SDK1: variants seen among roughly 807,000 people sequenced by gnomAD.
SDK1 encodes the protein protein sidekick-1.
A neutral mutation model predicts 245.5 loss-of-function variants in SDK1; 157 were observed. That is an observed-to-expected ratio of 0.64 (90% confidence interval 0.56 to 0.73). The LOEUF is 0.73. Ranked by LOEUF, SDK1 falls within the 30% of genes least tolerant of loss-of-function variation. SDK1 has a pLI of 0.00. For synonymous variants in SDK1, 1,647 were observed against 1,278.5 expected, an observed-to-expected ratio of 1.29 and a Z score of -6.15; for missense variants, 3,583 against 3,002.3, an observed-to-expected ratio of 1.19 and a Z score of -4.52.
chr7:3,735,814 A>G (rs1346862517), intron 4 of SDK1, among the ~76,000 whole-genome samples: 1 of 152,182 alleles, frequency 6.6e-6, no homozygotes, highest in Non-Finnish European at 1.5e-5. Context: ...CAGTTTCCCC[A>G]TATCCATGTC....
chr7:3,466,979 TACAC>T (rs11269597), intron 1 of SDK1, among the ~76,000 whole-genome samples: 33,406 of 127,178 alleles, frequency 0.26, 4,643 homozygotes, highest in East Asian at 0.33. Flanking sequence ...TCTCTCTCTC[TACAC>T]ACACACACAC....
intron 4 of SDK1, among the ~76,000 whole-genome samples, chr7:3,735,580 G>A (rs1779296947): frequency 6.6e-6 from 1 of 152,196 alleles, no homozygotes; most frequent in Non-Finnish European, 1.5e-5. Flanking sequence ...CAGACACTAA[G>A]GTTGTTCCCA....
At chr7:4,148,930 C>T (rs1478390726) in intron 29 of SDK1, among the ~76,000 whole-genome samples, 1 of 152,182 alleles carries the variant, frequency 6.6e-6, no homozygotes, top group African/African-American at 2.4e-5. Context: ...GTGGTGCACA[C>T]CTGTAGTCCC....
intron 31 of SDK1, 37 bp from the exon 32 acceptor site, chr7:4,161,749 C>A: frequency 6.3e-7 from 1 of 1,582,784 alleles, no homozygotes; most frequent in African/African-American, 1.3e-5. Context: ...ACATAACAAC[C>A]ACCCTGACCC....
At chr7:3,378,727 G>A (rs1320542687) in intron 1 of SDK1, among the ~76,000 whole-genome samples, 2 of 152,068 alleles carry the variant, frequency 1.3e-5, no homozygotes, top group South Asian at 2.1e-4. Context: ...AGGTTCTCAC[G>A]CAGGAGCTCA....
intron 5 of SDK1, among the ~76,000 whole-genome samples, chr7:3,895,664 A>G (rs369067774): frequency 1.4e-4 from 22 of 152,314 alleles, no homozygotes; most frequent in Middle Eastern, 3.4e-3. Flanking sequence ...CAAGTTGCGT[A>G]AAGTGGATAC....
At chr7:4,141,945 C>T (rs1326354984) in intron 28 of SDK1, among the ~76,000 whole-genome samples, 1 of 152,066 alleles carries the variant, frequency 6.6e-6, no homozygotes, top group Non-Finnish European at 1.5e-5. Context: ...TTAGTAGAGG[C>T]GGGGTTTCAC....
rs529754931 is a variant in SDK1 at position 3,615,507 on chromosome 7, T to C, written c.299-3573T>C. ...TGTGCTGTCACAGCATCTAACACTT[T>C]ACTGCTTACATTCCTGCATCAGACC... On this transcript the variant is annotated intron_variant, in intron 1 of 44. Coordinates refer to ENST00000404826, the MANE Select transcript of SDK1 (RefSeq NM_152744.4). Among the ~76,000 whole-genome samples the C allele has an allele frequency of 3.6e-4, 55 of 151,930 alleles. 1 individual carries two copies. The South Asian group carries it at 0.011, about 32-fold the overall frequency.
intron 4 of SDK1, among the ~76,000 whole-genome samples, chr7:3,778,944 G>C (rs1049597412): frequency 2.9e-4 from 44 of 152,264 alleles, no homozygotes; most frequent in African/African-American, 2.2e-4. Flanking sequence ...TAGTTTTGTA[G>C]GTTTAACATC....
intron 1 of SDK1, among the ~76,000 whole-genome samples, chr7:3,497,320 G>C (rs932076473): frequency 6.6e-6 from 1 of 152,188 alleles, no homozygotes; most frequent in Non-Finnish European, 1.5e-5. Flanking sequence ...TTATAGATTT[G>C]TGTGTATAAA....
In SDK1 at chr7:3,725,879, G is replaced by A. The variant is rs1293410911; in HGVS notation, c.713+83774G>A. Among the ~76,000 whole-genome samples the A allele has an allele frequency of 3.3e-5, 5 of 152,152 alleles. No homozygotes were observed. In the East Asian group the frequency reaches 7.7e-4, roughly 23 times the overall value. On this transcript the variant is annotated intron_variant, in intron 4 of 44. Coordinates refer to ENST00000404826, the MANE Select transcript of SDK1 (RefSeq NM_152744.4). ...AAATTACTGCAGTCGGACTCCAATC[G>A]TATTGAACAGTCAATTGATTCTGGG...
At chr7:3,545,499 T>C (rs1779191791) in intron 1 of SDK1, among the ~76,000 whole-genome samples, 1 of 152,368 alleles carries the variant, frequency 6.6e-6, no homozygotes, top group African/African-American at 2.4e-5. Flanking sequence ...CAAGACTTAA[T>C]GCAAATATTT....
chr7:4,237,774 C>A lies in SDK1; in HGVS notation c.6120C>A (p.Asn2040Lys). The change falls in exon 42 of 45, where the codon AAC (asparagine) becomes AAA (lysine). Residue 2040 changes from asparagine (N) to lysine (K), a missense_variant. By Grantham distance (94) the Asn-to-Lys change is moderately conservative. Transcript: ENST00000404826. Reference sequence around the variant, plus strand: ...ACGGGCAGAATAAGAAGTATAAGAACTGCAGCACAGGTGCAGGTCCAGCCC... The same window carrying A: ...ACGGGCAGAATAAGAAGTATAAGAAATGCAGCACAGGTGCAGGTCCAGCCC... ...VLHGQNKKYK[N>K]CSTGKGISTM... The A allele has an allele frequency of 1.2e-6, 2 of 1,614,208 alleles. No homozygotes were observed. The highest frequency in any genetic ancestry group is 1.7e-6 in the Non-Finnish European group (2 of 1,180,038).
At chr7:3,883,605 G>T (rs1357571356) in intron 5 of SDK1, among the ~76,000 whole-genome samples, 3 of 152,166 alleles carry the variant, frequency 2.0e-5, no homozygotes, top group African/African-American at 4.8e-5. Flanking sequence ...AGATCGTGCA[G>T]GCCTTTGACC....
At chr7:3,347,970 C>T (rs1780553535) in intron 1 of SDK1, among the ~76,000 whole-genome samples, 2 of 151,842 alleles carry the variant, frequency 1.3e-5, no homozygotes, top group Non-Finnish European at 2.9e-5. Context: ...ATTTTGCTTC[C>T]TAAGTACTTA....
intron 4 of SDK1, among the ~76,000 whole-genome samples, chr7:3,662,934 T>C (rs956802976): frequency 3.9e-5 from 6 of 152,220 alleles, no homozygotes; most frequent in Non-Finnish European, 8.8e-5. Flanking sequence ...GAAGCACTTA[T>C]GGTTCCAAGC....
At chr7:3,418,628 T>C (rs1027859702) in intron 1 of SDK1, among the ~76,000 whole-genome samples, 6 of 152,242 alleles carry the variant, frequency 3.9e-5, no homozygotes, top group Admixed American at 6.5e-5. Flanking sequence ...GAAATCTTCC[T>C]ATAATGGAAC....
intron 5 of SDK1, among the ~76,000 whole-genome samples, chr7:3,833,434 C>T (rs1562478189): frequency 1.3e-5 from 2 of 152,308 alleles, no homozygotes; most frequent in African/African-American, 4.8e-5. Flanking sequence ...GGCTTGCTTT[C>T]ATTTGGGAAA....
At chr7:3,340,965 C>G (rs920986124) in intron 1 of SDK1, among the ~76,000 whole-genome samples, 4 of 152,106 alleles carry the variant, frequency 2.6e-5, no homozygotes, top group Non-Finnish European at 5.9e-5. Flanking sequence ...TATTCAGTCT[C>G]TTCTAGAAAA....
Sources: allele counts gnomAD v4.1 joint callset (sites outside exome capture counted in the v4.1 genomes callset), GRCh38; gene constraint gnomAD v4.1.1; transcripts MANE v1.5; gene names NCBI Gene and HGNC (gene_info 2026-07-23, HGNC 2026-07-21).